Variants in PDCD6IP observed in about 807,000 individuals in gnomAD.
The protein encoded by PDCD6IP is programmed cell death 6-interacting protein.
In PDCD6IP, 43 loss-of-function variants were observed where a neutral mutation model predicts 103.7. The ratio of observed to expected loss-of-function variants is 0.41; its 90% CI spans 0.32 to 0.53. The LOEUF (loss-of-function observed/expected upper bound fraction) is 0.53. Ranked by LOEUF, PDCD6IP falls within the 20% of genes least tolerant of loss-of-function variation. PDCD6IP has a pLI of 0.16. For synonymous variants in PDCD6IP, 354 were observed against 378.7 expected, an observed-to-expected ratio of 0.93 and a Z score of 0.76; for missense variants, 871 against 1,036.7, an observed-to-expected ratio of 0.84 and a Z score of 2.20.
At chr3:33,829,091 A>G (rs1202586212) in intron 7 of PDCD6IP, 122 bp downstream of exon 7, 1 of 603,660 alleles carries the variant, frequency 1.7e-6, no homozygotes, top group African/African-American at 1.9e-5. Context: ...AGCAGGGACA[A>G]GTGATTGTTT....
Position 33,826,567 on chromosome 3 carries a change from A to G in PDCD6IP, c.704A>G (p.Asp235Gly). The change falls in exon 6 of 18, where the codon GAT becomes GGT. Residue 235 changes from aspartate (D) to glycine (G), a missense_variant. This residue lies in a region of PDCD6IP where 242 missense variants were observed against 250.7 expected (regional missense o/e 0.97). Transcript: ENST00000307296. ...GDAFKQCQYK[D>G]TLPKEVFPVL... ...GCTTTCAAACAGTGTCAATACAAAGATACTCTCCCCAAGGTCAGTTATTGT... is the reference window on the plus strand; with the variant it reads ...GCTTTCAAACAGTGTCAATACAAAGGTACTCTCCCCAAGGTCAGTTATTGT... The G allele has an allele frequency of 1.9e-6, 3 of 1,611,878 alleles. No individual in the cohort carries two copies. Among genetic ancestry groups the G allele is most frequent in the Non-Finnish European group, 2.5e-6 (3 of 1,178,272 alleles).
intron 1 of PDCD6IP, among the ~76,000 whole-genome samples, chr3:33,808,362 C>T (rs1170344387): frequency 6.6e-6 from 1 of 152,182 alleles, no homozygotes; most frequent in Non-Finnish European, 1.5e-5. Context: ...CAGCCTTGAC[C>T]TCCTGGGCTC....
chr3:33,825,142 A>G (rs1310654834), intron 4 of PDCD6IP, 45 bp from the exon 5 acceptor site: 8 of 1,517,600 alleles, frequency 5.3e-6, no homozygotes, highest in Non-Finnish European at 6.3e-6. Context: ...TAGGAAATTA[A>G]GTCTTGCTGA....
At chr3:33,857,905 T>G (rs1697864170) in intron 15 of PDCD6IP, among the ~76,000 whole-genome samples, 1 of 152,140 alleles carries the variant, frequency 6.6e-6, no homozygotes. Context: ...AATGTCACTG[T>G]CAGCACTATT....
At chr3:33,848,749 G>A (rs1575937056) in intron 12 of PDCD6IP, among the ~76,000 whole-genome samples, 1 of 152,148 alleles carries the variant, frequency 6.6e-6, no homozygotes, top group African/African-American at 2.4e-5. Flanking sequence ...GCTGTTAAAT[G>A]CCACAGAGGA....
In PDCD6IP at chr3:33,853,993, A is replaced by T; in HGVS notation, c.2005A>T (p.Asn669Tyr). The T allele has an allele frequency of 6.3e-7, 1 of 1,583,988 alleles. No homozygotes were observed. The highest frequency in any genetic ancestry group is 8.5e-7 in the Non-Finnish European group (1 of 1,170,270). Reference protein sequence around the residue: ...AYDNFVELVANLKEGTKFYNE... With the variant: ...AYDNFVELVAYLKEGTKFYNE... ...TGACAACTTTGTTGAACTTGTAGCTAATTTGAAGGAAGGCACAAAGGTATG... is the reference window on the plus strand; with the variant it reads ...TGACAACTTTGTTGAACTTGTAGCTTATTTGAAGGAAGGCACAAAGGTATG... The change falls in exon 14 of 18, where the codon AAT becomes TAT. Residue 669 changes from asparagine (N) to tyrosine (Y), a missense_variant. Around this residue, in one of 5 missense-constraint regions of PDCD6IP, gnomAD observed 266 missense variants for 390.5 expected, o/e 0.68. Coordinates refer to ENST00000307296, the MANE Select transcript of PDCD6IP (RefSeq NM_013374.6).
At chr3:33,800,696 T>C (rs1022590788) in intron 1 of PDCD6IP, among the ~76,000 whole-genome samples, 9 of 152,210 alleles carry the variant, frequency 5.9e-5, no homozygotes, top group Admixed American at 2.0e-4. Flanking sequence ...AATTTTTATG[T>C]AGGCATGAAT....
chr3:33,820,391 A>G (rs1696963404), intron 3 of PDCD6IP, among the ~76,000 whole-genome samples: 1 of 152,230 alleles, frequency 6.6e-6, no homozygotes, highest in Admixed American at 6.5e-5. Context: ...ATACAAGTAG[A>G]GTCGTAGACT....
Position 33,863,996 on chromosome 3 carries a change from C to G in PDCD6IP, c.2121-10C>G. The G allele has an allele frequency of 1.9e-6, 3 of 1,596,508 alleles. No homozygotes were observed. The highest frequency in any genetic ancestry group is 2.6e-6 in the Non-Finnish European group (3 of 1,165,052). On this transcript the variant is annotated splice_polypyrimidine_tract_variant and intron_variant, in intron 15 of 17. Coordinates refer to ENST00000307296, the MANE Select transcript of PDCD6IP (RefSeq NM_013374.6). The stretch of plus-strand genomic sequence containing the variant: ...ATCATGTTAATTTTTAACACTCTGT[C>G]TTTGATAAGGGACTTGCAACAAAGC...
chr3:33,804,733 G>A (rs866619735), intron 1 of PDCD6IP, among the ~76,000 whole-genome samples: 3 of 152,182 alleles, frequency 2.0e-5, no homozygotes, highest in Non-Finnish European at 4.4e-5. Flanking sequence ...GGCAGAACTG[G>A]ACTAAGATCC....
At chr3:33,822,516 T>G (rs1425875852) in intron 4 of PDCD6IP, among the ~76,000 whole-genome samples, 1 of 152,268 alleles carries the variant, frequency 6.6e-6, no homozygotes, top group East Asian at 1.9e-4. Flanking sequence ...GGCAAGAAAA[T>G]AAAATTTTAA....
chr3:33,816,966 G>A (rs1696867032), intron 3 of PDCD6IP, among the ~76,000 whole-genome samples: 1 of 152,104 alleles, frequency 6.6e-6, no homozygotes, highest in Non-Finnish European at 1.5e-5. Flanking sequence ...GGTTCATCAA[G>A]GCATTTCTAG....
In PDCD6IP at chr3:33,826,440, T is replaced by C. The variant is rs1412216644; in HGVS notation, c.617-40T>C. ...TTATACTGAGACATGTCAGATTAGC[T>C]CATATTTATTTTAATTATAATGGTC... On this transcript the variant is annotated intron_variant, in intron 5 of 17. Transcript: ENST00000307296. 4 of 1,369,884 alleles carry C rather than the reference T, an allele frequency of 2.9e-6. No homozygotes were observed. In the African/African-American group the frequency reaches 5.8e-5, roughly 20 times the overall value. 84.9% of individuals were successfully genotyped at this position (1,369,884 alleles called of 1,614,324 possible). A position where few individuals can be genotyped will look rare whatever the true frequency, so the allele number is the denominator to read the frequency against.
At chr3:33,861,079 T>G (rs1469546391) in intron 15 of PDCD6IP, among the ~76,000 whole-genome samples, 1 of 151,790 alleles carries the variant, frequency 6.6e-6, no homozygotes, top group African/African-American at 2.4e-5. Flanking sequence ...TAACATATAA[T>G]CAATGTAAAA....
At chr3:33,826,438 G>C in intron 5 of PDCD6IP, 42 bp from the exon 6 acceptor site, 1 of 1,348,158 alleles carries the variant, frequency 7.4e-7, no homozygotes, top group South Asian at 1.3e-5. Context: ...TGTCAGATTA[G>C]CTCATATTTA....
intron 4 of PDCD6IP, 23 bp downstream of exon 4, chr3:33,822,105 C>A: frequency 6.2e-7 from 1 of 1,609,526 alleles, no homozygotes; most frequent in Non-Finnish European, 8.5e-7. Context: ...GTAGTTACTA[C>A]AATAATGGTC....
intron 2 of PDCD6IP, among the ~76,000 whole-genome samples, chr3:33,812,596 G>A (rs1222353820): frequency 6.6e-6 from 1 of 152,180 alleles, no homozygotes; most frequent in Non-Finnish European, 1.5e-5. Flanking sequence ...TGTTGAAAAT[G>A]CTGATAATTT....
At chr3:33,836,299 A>G (rs1319495571) in intron 8 of PDCD6IP, 33 bp downstream of exon 8, 1 of 1,204,612 alleles carries the variant, frequency 8.3e-7, no homozygotes. Context: ...CTTTAATCTC[A>G]TTTTTCTCTA....
At chr3:33,836,420 GC>G in intron 8 of PDCD6IP, among the ~76,000 whole-genome samples, 154 bp downstream of exon 8, 1 of 152,262 alleles carries the variant, frequency 6.6e-6, no homozygotes, top group South Asian at 2.1e-4. Flanking sequence ...TTGTGCCAGT[GC>G]AATGTTAAGA....
Sources: gnomAD v4.1 joint callset for allele counts (sites outside exome capture counted in the v4.1 genomes callset) on GRCh38, gnomAD v4.1.1 for gene constraint, gnomAD v4.1.1 regional missense constraint, MANE v1.5 for transcripts, NCBI Gene and HGNC (gene_info 2026-07-23, HGNC 2026-07-21) for gene names.